WDR45B: variants seen among roughly 807,000 people sequenced by gnomAD.
WDR45B encodes WD repeat domain 45B.
A neutral mutation model predicts 44.6 loss-of-function variants in WDR45B; 20 were observed. The observed-to-expected ratio is 0.45, with a 90% CI of 0.32 to 0.65. The LOEUF (loss-of-function observed/expected upper bound fraction) is 0.65. Ranked by LOEUF, WDR45B falls within the 30% of genes least tolerant of loss-of-function variation. The pLI is 0.05. For synonymous variants in WDR45B, 169 were observed against 164.9 expected, an observed-to-expected ratio of 1.02 and a Z score of -0.19; for missense variants, 323 against 430.2, an observed-to-expected ratio of 0.75 and a Z score of 2.20.
chr17:82,639,825 C>T (rs74551129), intron 2 of WDR45B, among the ~76,000 whole-genome samples: 19 of 111,994 alleles, frequency 1.7e-4, no homozygotes, highest in South Asian at 3.0e-4. Context: ...TGTGTCAGGT[C>T]GGGAGGGCTG....
intron 5 of WDR45B, among the ~76,000 whole-genome samples, chr17:82,624,583 G>A (rs993585407): frequency 4.1e-5 from 6 of 147,794 alleles, no homozygotes; most frequent in Non-Finnish European, 7.5e-5. Flanking sequence ...TGACTGTGAC[G>A]GTGGCTACAC....
chr17:82,631,030 G>A lies in WDR45B; in HGVS notation c.143-8C>T. ...CTCCTCCTTCTAGAAATTCTGAAAT[G>A]ATAGTTTTAAAAAGACCAATGTTAC... On this transcript the variant is annotated splice_polypyrimidine_tract_variant and splice_region_variant and intron_variant, in intron 2 of 9. Coordinates refer to ENST00000392325, the MANE Select transcript of WDR45B (RefSeq NM_019613.4). 1.9e-6 allele frequency: 3 copies of A among 1,611,746 alleles called. No homozygotes were observed. The highest frequency in any genetic ancestry group is 1.1e-5 in the South Asian group (1 of 91,020).
chr17:82,648,403 T>C lies in WDR45B; in HGVS notation c.-63A>G, dbSNP rs2046011061. ...ATGCCTCTCGCTGGGGACGGCGGCC[T>C]GGTCCCTTCGGGCCGGCGCTGAGGC... On this transcript the variant is annotated 5_prime_UTR_variant, in exon 1 of 10. Transcript: ENST00000392325. 1.9e-6 allele frequency: 3 copies of C among 1,572,976 alleles called. No individual in the cohort carries two copies. Among genetic ancestry groups the C allele is most frequent in the Non-Finnish European group, 2.6e-6 (3 of 1,160,400 alleles).
intron 1 of WDR45B, among the ~76,000 whole-genome samples, chr17:82,647,884 A>C (rs2046000692): frequency 6.6e-6 from 1 of 151,196 alleles, no homozygotes; most frequent in African/African-American, 2.4e-5. Context: ...AATCCCGATA[A>C]CCGTGGAGCC....
At chr17:82,627,340 C>T (rs371721392) in intron 3 of WDR45B, 49 bp from the exon 4 acceptor site, 23 of 1,473,530 alleles carry the variant, frequency 1.6e-5, no homozygotes, top group African/African-American at 9.7e-5. Context: ...CAGGCCATGG[C>T]GCTGGGATGC....
chr17:82,620,504 T>C (rs7208749), intron 6 of WDR45B, among the ~76,000 whole-genome samples: 1,777 of 152,072 alleles, frequency 0.012, 35 homozygotes, highest in African/African-American at 0.04. Context: ...GTCCCAGGAG[T>C]GAGCGGGACA....
intron 5 of WDR45B, among the ~76,000 whole-genome samples, chr17:82,622,980 G>C (rs895383907): frequency 7.9e-5 from 12 of 152,220 alleles, no homozygotes; most frequent in African/African-American, 2.9e-4. Context: ...ACTTGAAATG[G>C]ATCGAAGATT....
chr17:82,617,791 T>C (rs910965884), intron 7 of WDR45B, among the ~76,000 whole-genome samples: 4 of 152,176 alleles, frequency 2.6e-5, no homozygotes, highest in African/African-American at 4.8e-5. Flanking sequence ...AGGCTGCCCC[T>C]ATGGAGGTCA....
intron 5 of WDR45B, among the ~76,000 whole-genome samples, chr17:82,624,781 G>A (rs533193167): frequency 6.6e-6 from 1 of 151,228 alleles, no homozygotes; most frequent in East Asian, 2.0e-4. Context: ...ACCACGCCCG[G>A]CTAATTTTTT....
chr17:82,624,440 T>A (rs2045664503), intron 5 of WDR45B, among the ~76,000 whole-genome samples: 1 of 151,852 alleles, frequency 6.6e-6, no homozygotes, highest in East Asian at 1.9e-4. Context: ...TTTTGTATGT[T>A]TAGTAGAGAT....
intron 4 of WDR45B, 116 bp downstream of exon 4, chr17:82,627,088 C>A (rs956087992): frequency 2.3e-6 from 2 of 878,612 alleles, no homozygotes; most frequent in Admixed American, 1.7e-5. Context: ...AAAACCAGGA[C>A]CAACATTTTA....
At chr17:82,616,429 G>A (rs2045536235) in intron 9 of WDR45B, 95 bp downstream of exon 9, 1 of 1,598,914 alleles carries the variant, frequency 6.3e-7, no homozygotes, top group Non-Finnish European at 8.6e-7. Flanking sequence ...CCACAGCGCG[G>A]TGCTGGGACG....
At position 82,648,386 on chromosome 17, in the gene WDR45B, C is replaced by G; in HGVS notation, c.-46G>C. ...CCGCTCCTCAGCGCTGCATGCCTCT[C>G]GCTGGGGACGGCGGCCTGGTCCCTT... On this transcript the variant is annotated 5_prime_UTR_variant, in exon 1 of 10. Transcript: ENST00000392325. 2 of 1,590,792 alleles carry G rather than the reference C, an allele frequency of 1.3e-6. No individual in the cohort carries two copies. The highest frequency in any genetic ancestry group is 1.1e-5 in the South Asian group (1 of 88,382).
intron 2 of WDR45B, among the ~76,000 whole-genome samples, chr17:82,641,783 A>AGGG (rs1413329259): frequency 1.3e-5 from 2 of 152,076 alleles, no homozygotes; most frequent in East Asian, 3.9e-4. Context: ...CTGCAATCCC[A>AGGG]GCTACTCGGG....
chr17:82,630,546 T>G (rs1321496735), intron 3 of WDR45B, among the ~76,000 whole-genome samples: 1 of 152,140 alleles, frequency 6.6e-6, no homozygotes, highest in Admixed American at 6.5e-5. Context: ...CCAAGTGGTG[T>G]TTTGTTCCAC....
At chr17:82,639,820 C>G (rs1413809432) in intron 2 of WDR45B, among the ~76,000 whole-genome samples, 1 of 124,918 alleles carries the variant, frequency 8.0e-6, no homozygotes, top group Non-Finnish European at 1.6e-5. Context: ...GTGTGTGTGT[C>G]AGGTCGGGAG....
At chr17:82,618,508 G>C (rs1330279212) in intron 7 of WDR45B, among the ~76,000 whole-genome samples, 1 of 152,150 alleles carries the variant, frequency 6.6e-6, no homozygotes, top group African/African-American at 2.4e-5. Flanking sequence ...AAAAACACCA[G>C]AAAGACTAAA....
Position 82,615,395 on chromosome 17 carries a change from C to T in WDR45B, c.*524G>A. The T allele has an allele frequency of 2.6e-5, 5 of 193,154 alleles. No individual in the cohort carries two copies. The South Asian group carries it at 3.9e-4, about 15-fold the overall frequency. The allele number at this position is 193,154 out of a possible 1,614,324, so 12.0% of individuals were successfully genotyped here. A position where few individuals can be genotyped will look rare whatever the true frequency, so the allele number is the denominator to read the frequency against. On this transcript the variant is annotated 3_prime_UTR_variant, in exon 10 of 10. Transcript: ENST00000392325. The stretch of plus-strand genomic sequence containing the variant: ...CTGTGTTCTCTCTACAGGGTCAGGT[C>T]ATTTTTCTTCATGTTCGGGCGGGAA...
chr17:82,633,875 C>T (rs1277645378), intron 2 of WDR45B, among the ~76,000 whole-genome samples: 1 of 151,924 alleles, frequency 6.6e-6, no homozygotes, highest in Non-Finnish European at 1.5e-5. Context: ...AAAGGCCAGG[C>T]GTGGTGGCTC....
Sources: gnomAD v4.1 joint callset for allele counts (sites outside exome capture counted in the v4.1 genomes callset) on GRCh38, gnomAD v4.1.1 for gene constraint, MANE v1.5 for transcripts, NCBI Gene and HGNC (gene_info 2026-07-23, HGNC 2026-07-21) for gene names.